The following THBS4 variants were observed in gnomAD, a reference collection of about 807,000 sequenced individuals.
THBS4 encodes thrombospondin-4.
A neutral mutation model predicts 115.7 loss-of-function variants in THBS4; 90 were observed. The ratio of observed to expected loss-of-function variants is 0.78; its 90% CI spans 0.66 to 0.93. The LOEUF is 0.93. THBS4 is among the 40% of genes least tolerant of loss of function. The probability of loss-of-function intolerance (pLI) is 0.00; values close to 1 mark genes in which losing one functional copy is unlikely to be tolerated. For missense variants in THBS4, 1,087 were observed against 1,232.7 expected (o/e 0.88, Z 1.77); for synonymous variants, 460 against 479.3 (o/e 0.96, Z 0.53).
intron 8 of THBS4, among the ~76,000 whole-genome samples, chr5:80,064,918 CAG>C (rs1265745262): frequency 2.6e-5 from 4 of 151,336 alleles, no homozygotes; most frequent in African/African-American, 9.7e-5. Flanking sequence ...GAATGCAGCA[CAG>C]AGAAATAACG....
intron 13 of THBS4, chr5:80,072,020 C>T: frequency 2.4e-6 from 1 of 415,320 alleles, no homozygotes; most frequent in Non-Finnish European, 4.5e-6. Flanking sequence ...CATCATGATC[C>T]CCTCCTCGTG....
intron 3 of THBS4, among the ~76,000 whole-genome samples, chr5:80,057,482 A>G (rs1374050766): frequency 6.6e-6 from 1 of 152,224 alleles, no homozygotes; most frequent in Non-Finnish European, 1.5e-5. Context: ...GTCCAATACA[A>G]TATGTGTTAA....
intron 2 of THBS4, among the ~76,000 whole-genome samples, chr5:80,040,923 A>G (rs894559176): frequency 1.3e-5 from 2 of 152,018 alleles, no homozygotes; most frequent in African/African-American, 2.4e-5. Flanking sequence ...CCGTAGCTTT[A>G]TAATAACCCA....
chr5:80,024,910 G>C (rs1387877832), intron 2 of THBS4, among the ~76,000 whole-genome samples: 1 of 152,174 alleles, frequency 6.6e-6, no homozygotes, highest in African/African-American at 2.4e-5. Context: ...TGTGTCTAGG[G>C]TCAGAAGACC....
intron 2 of THBS4, among the ~76,000 whole-genome samples, chr5:80,047,389 T>C (rs1833103136): frequency 6.6e-6 from 1 of 152,072 alleles, no homozygotes; most frequent in Non-Finnish European, 1.5e-5. Flanking sequence ...TTTTGTTTGG[T>C]TTTGTTTTTT....
chr5:80,071,279 C>T, intron 13 of THBS4, 99 bp downstream of exon 13: 1 of 1,485,250 alleles, frequency 6.7e-7, no homozygotes, highest in South Asian at 1.5e-5. Flanking sequence ...TCGGAGCCTT[C>T]CAGCTGTGGG....
intron 9 of THBS4, among the ~76,000 whole-genome samples, chr5:80,065,966 G>A (rs1210570525): frequency 1.3e-5 from 2 of 152,028 alleles, no homozygotes; most frequent in Non-Finnish European, 2.9e-5. Context: ...CTGGTGGCGG[G>A]TGCCTGTAGT....
chr5:80,020,915 A>G (rs1263146295), intron 2 of THBS4, among the ~76,000 whole-genome samples: 1 of 152,208 alleles, frequency 6.6e-6, no homozygotes, highest in East Asian at 1.9e-4. Context: ...CTTAGCTTAG[A>G]AAAATAAATT....
chr5:80,039,262 C>G (rs1400342107), intron 1 of THBS4, among the ~76,000 whole-genome samples: 4 of 152,200 alleles, frequency 2.6e-5, no homozygotes, highest in East Asian at 3.8e-4. Context: ...TAAATAACTT[C>G]CACTGAGTAT....
intron 2 of THBS4, among the ~76,000 whole-genome samples, chr5:80,008,202 G>A (rs1408288329): frequency 6.6e-6 from 1 of 152,188 alleles, no homozygotes; most frequent in African/African-American, 2.4e-5. Flanking sequence ...TAGAAAAATA[G>A]TAAGCAGTTT....
At chr5:79,997,220 A>G (rs1831812607) in intron 1 of THBS4, among the ~76,000 whole-genome samples, 1 of 152,170 alleles carries the variant, frequency 6.6e-6, no homozygotes, top group Admixed American at 6.5e-5. Context: ...TGATCTCAAT[A>G]CACCAATTAA....
chr5:80,039,767 T>G (rs1480389295), intron 1 of THBS4, among the ~76,000 whole-genome samples: 1 of 152,194 alleles, frequency 6.6e-6, no homozygotes, highest in Non-Finnish European at 1.5e-5. Flanking sequence ...TTTAGTGCTT[T>G]TCCTGGTGGG....
intron 9 of THBS4, 21 bp from the exon 10 acceptor site, chr5:80,067,952 C>T: frequency 5.0e-6 from 8 of 1,612,742 alleles, no homozygotes; most frequent in Non-Finnish European, 6.8e-6. Context: ...CAGCTCATCA[C>T]CTGATCTTTG....
At chr5:80,070,594 G>C (rs1210844040) in intron 11 of THBS4, 49 bp from the exon 12 acceptor site, 3 of 1,565,978 alleles carry the variant, frequency 1.9e-6, no homozygotes, top group Non-Finnish European at 2.6e-6. Flanking sequence ...ACAGTTACTG[G>C]CTTAACACAA....
Position 80,079,113 on chromosome 5 carries a change from C to T in THBS4, c.2366C>T (p.Thr789Ile), listed in dbSNP as rs754775768. 6.2e-7 allele frequency: 1 copy of T among 1,614,124 alleles called. No homozygotes were observed. The highest frequency in any genetic ancestry group is 1.7e-5 in the Admixed American group (1 of 60,022). ...TTCGAAGGGACCTTCCATGTGAATA[C>T]CCAGACAGATGATGACTATGCAGGC... ...VDFEGTFHVN[T>I]QTDDDYAGFI... The change falls in exon 19 of 22, where the codon ACC becomes ATC. Residue 789 changes from threonine to isoleucine, a missense_variant. Transcript: ENST00000350881.
At chr5:80,038,946 A>G (rs932464574) in intron 1 of THBS4, among the ~76,000 whole-genome samples, 3 of 152,292 alleles carry the variant, frequency 2.0e-5, no homozygotes, top group Admixed American at 2.0e-4. Context: ...TTCCAATTCG[A>G]TGGTGAAAAC....
chr5:80,017,390 C>A (rs910150402), intron 2 of THBS4, among the ~76,000 whole-genome samples: 2 of 152,054 alleles, frequency 1.3e-5, no homozygotes, highest in African/African-American at 4.8e-5. Context: ...TTGTTCTTTG[C>A]TCAATTTCTT....
At chr5:80,070,270 A>G in intron 10 of THBS4, 36 bp from the exon 11 acceptor site, 2 of 1,521,914 alleles carry the variant, frequency 1.3e-6, no homozygotes, top group Non-Finnish European at 1.8e-6. Flanking sequence ...TGCCAGGCTC[A>G]GCTTCCCAGG....
At chr5:80,069,631 C>A (rs944181330) in intron 10 of THBS4, among the ~76,000 whole-genome samples, 1 of 152,212 alleles carries the variant, frequency 6.6e-6, no homozygotes, top group African/African-American at 2.4e-5. Flanking sequence ...GAAAATAGCT[C>A]ATTAAAAATG....
Sources: allele counts gnomAD v4.1 joint callset (sites outside exome capture counted in the v4.1 genomes callset), GRCh38; gene constraint gnomAD v4.1.1; transcripts MANE v1.5; gene names NCBI Gene and HGNC (gene_info 2026-07-23, HGNC 2026-07-21).